The following CPNE3 variants were observed in gnomAD, a reference collection of about 807,000 sequenced individuals.
CPNE3 encodes the protein copine 3, also known as copine-3.
A neutral mutation model predicts 63.9 loss-of-function variants in CPNE3; 68 were observed. The ratio of observed to expected loss-of-function variants is 1.06; its 90% CI spans 0.87 to 1.30. The LOEUF is 1.30. Among genes scored for constraint, CPNE3 ranks in the 50% most tolerant of loss-of-function variants. The pLI is 0.00. For missense variants in CPNE3, 665 were observed against 578.1 expected (o/e 1.15, Z -1.54); for synonymous variants, 219 against 197.5 (o/e 1.11, Z -0.91).
chr8:86,553,178 T>C (rs1821232664), intron 14 of CPNE3, among the ~76,000 whole-genome samples: 1 of 151,908 alleles, frequency 6.6e-6, no homozygotes, highest in Non-Finnish European at 1.5e-5. Context: ...ATGAATTATT[T>C]ATACCTTTGT....
chr8:86,547,813 A>G (rs757477110), intron 11 of CPNE3, 43 bp downstream of exon 11: 30 of 889,612 alleles, frequency 3.4e-5, no homozygotes, highest in Non-Finnish European at 5.0e-5. Flanking sequence ...TTTTTCCTCC[A>G]TGTTGCAGTA....
At chr8:86,547,516 A>G (rs756897080) in intron 10 of CPNE3, 195 bp from the exon 11 acceptor site, 22 of 518,716 alleles carry the variant, frequency 4.2e-5, no homozygotes, top group Non-Finnish European at 6.4e-5. Context: ...CATTGCTACA[A>G]TTATCTTGAA....
At chr8:86,539,660 G>GTTTTTTT (rs369540210) in intron 7 of CPNE3, among the ~76,000 whole-genome samples, 2 of 108,160 alleles carry the variant, frequency 1.8e-5, no homozygotes, top group South Asian at 3.1e-4. Context: ...ATCCTCCGCA[G>GTTTTTTT]TTTTTTTTTT....
At chr8:86,518,933 C>A (rs911556636) in intron 2 of CPNE3, among the ~76,000 whole-genome samples, 6 of 152,050 alleles carry the variant, frequency 3.9e-5, no homozygotes, top group Non-Finnish European at 8.8e-5. Context: ...CCACACCTGG[C>A]TAATTTTTGT....
chr8:86,551,686 T>C (rs1821182833), intron 14 of CPNE3, among the ~76,000 whole-genome samples: 1 of 152,230 alleles, frequency 6.6e-6, no homozygotes, highest in Non-Finnish European at 1.5e-5. Flanking sequence ...GTATCCAGCA[T>C]CTAATACTTG....
At chr8:86,542,052 G>A (rs1820953574) in intron 8 of CPNE3, among the ~76,000 whole-genome samples, 1 of 152,190 alleles carries the variant, frequency 6.6e-6, no homozygotes, top group Admixed American at 6.5e-5. Flanking sequence ...ACAGTGGCAT[G>A]CTTACAGGGC....
At chr8:86,548,248 G>T in intron 11 of CPNE3, 53 bp from the exon 12 acceptor site, 1 of 1,596,652 alleles carries the variant, frequency 6.3e-7, no homozygotes, top group South Asian at 1.1e-5. Flanking sequence ...TGGACATCAA[G>T]CACAGGTGTC....
At position 86,544,776 on chromosome 8, in the gene CPNE3, G is replaced by A. The variant is rs374163721; in HGVS notation, c.670G>A (p.Asp224Asn). The A allele has an allele frequency of 1.7e-4, 261 of 1,577,180 alleles. No individual in the cohort carries two copies. Among genetic ancestry groups the A allele is most frequent in the Non-Finnish European group, 2.1e-4 (247 of 1,160,562 alleles). The change falls in exon 9 of 17, where the codon GAT (aspartate) becomes AAT (asparagine). Residue 224 changes from aspartate (D) to asparagine (N), a missense_variant. Coordinates refer to ENST00000517490, the MANE Select transcript of CPNE3 (RefSeq NM_003909.5). ...CYDYDNDGSHDLIGTFQTTMT... is the reference protein window; with the variant it reads ...CYDYDNDGSHNLIGTFQTTMT... ...TGATTATGACAATGATGGGTCACAT[G>A]ATCTCATTGGAACATTTCAGACCAC...
At position 86,544,801 on chromosome 8, in the gene CPNE3, C is replaced by T. The variant is rs373856396; in HGVS notation, c.695C>T (p.Thr232Ile). Residue 232 changes from threonine (T) to isoleucine (I), a missense_variant, in exon 9 of 17, where the codon ACC (threonine) becomes ATC (isoleucine). Thr to Ile is a moderately conservative substitution (Grantham distance 89, BLOSUM62 -1). Coordinates refer to ENST00000517490, the MANE Select transcript of CPNE3 (RefSeq NM_003909.5). ...SHDLIGTFQTTMTKLKEASRS... is the reference protein window; with the variant it reads ...SHDLIGTFQTIMTKLKEASRS... ...GATCTCATTGGAACATTTCAGACCA[C>T]CATGACAAAACTGAAAGAAGCCTCC... 6.3e-7 allele frequency: 1 copy of T among 1,594,494 alleles called. No individual in the cohort carries two copies. Among genetic ancestry groups the T allele is most frequent in the Non-Finnish European group, 8.5e-7 (1 of 1,169,698 alleles).
At chr8:86,517,437 T>C (rs1404456573) in intron 2 of CPNE3, among the ~76,000 whole-genome samples, 1 of 152,350 alleles carries the variant, frequency 6.6e-6, no homozygotes, top group South Asian at 2.1e-4. Flanking sequence ...TCACCTTCCC[T>C]GGCTTTTAGT....
intron 2 of CPNE3, among the ~76,000 whole-genome samples, chr8:86,518,917 A>T (rs1820372907): frequency 6.6e-6 from 1 of 151,834 alleles, no homozygotes; most frequent in African/African-American, 2.4e-5. Context: ...CCACAGGCAC[A>T]CCCCACCACA....
chr8:86,534,085 G>C (rs1820747243), intron 6 of CPNE3, among the ~76,000 whole-genome samples: 1 of 151,834 alleles, frequency 6.6e-6, no homozygotes, highest in Non-Finnish European at 1.5e-5. Context: ...ATAATTACAA[G>C]ACTCCATCTT....
chr8:86,532,622 G>A, intron 6 of CPNE3, 42 bp downstream of exon 6: 1 of 1,537,098 alleles, frequency 6.5e-7, no homozygotes, highest in Non-Finnish European at 8.9e-7. Context: ...GTCATGTTTT[G>A]CCTCTTTTTT....
Position 86,515,472 on chromosome 8 carries a change from T to C in CPNE3, c.-38T>C, listed in dbSNP as rs1253521712. 6.6e-6 allele frequency: 1 copy of C among 152,214 alleles called. No homozygotes were observed. The highest frequency in any genetic ancestry group is 1.5e-5 in the Non-Finnish European group (1 of 68,026). 9.4% of individuals were successfully genotyped at this position (152,214 alleles called of 1,614,324 possible). On this transcript the variant is annotated 5_prime_UTR_variant, in exon 2 of 17. Coordinates refer to ENST00000517490, the MANE Select transcript of CPNE3 (RefSeq NM_003909.5). ...TGTTTCATTCTCCAGGAAACTCAGG[T>C]TGAATAATTCATCAAATTACACAAC...
rs371680147 is a variant in CPNE3 at position 86,556,318 on chromosome 8, C to T, written c.1471C>T (p.Pro491Ser). The T allele has an allele frequency of 9.2e-6, 8 of 872,898 alleles. No individual in the cohort carries two copies. The highest frequency in any genetic ancestry group is 1.4e-5 in the Non-Finnish European group (7 of 501,698). 54.1% of individuals were successfully genotyped at this position (872,898 alleles called of 1,614,324 possible). Residue 491 changes from proline (P) to serine (S), a missense_variant, in exon 16 of 17, where the codon CCT (proline) becomes TCT (serine). Physicochemically the swap from Pro to Ser is moderately conservative, Grantham distance 74 (BLOSUM62 -1). Transcript: ENST00000517490. ...CATCAGAGATATTGTCCAGTTTGTG[C>T]CTTTCAGACAGTTCCAGAATGTGAG... Reference protein sequence around the residue: ...VAIRDIVQFVPFRQFQNAPKE... With the variant: ...VAIRDIVQFVSFRQFQNAPKE...
At chr8:86,538,596 A>G (rs1476402647) in intron 7 of CPNE3, among the ~76,000 whole-genome samples, 1 of 152,142 alleles carries the variant, frequency 6.6e-6, no homozygotes, top group Non-Finnish European at 1.5e-5. Context: ...GGATTTGACT[A>G]TTATATTCCC....
chr8:86,539,866 T>C (rs1006694008), intron 7 of CPNE3, among the ~76,000 whole-genome samples: 2 of 152,030 alleles, frequency 1.3e-5, no homozygotes, highest in East Asian at 1.9e-4. Flanking sequence ...GTTTTCACCA[T>C]GTTGGCCAGG....
At chr8:86,558,223 C>A in intron 16 of CPNE3, 65 bp from the exon 17 acceptor site, 1 of 867,040 alleles carries the variant, frequency 1.2e-6, no homozygotes, top group Non-Finnish European at 2.0e-6. Context: ...TATCCCTAGT[C>A]TTTTATGAAA....
rs777477341 is a variant in CPNE3 at position 86,558,388 on chromosome 8, C to A, written c.1592C>A (p.Ala531Asp). Reference protein sequence around the residue: ...TYKLLPPKNPATKQQKQ With the variant: ...TYKLLPPKNPDTKQQKQ ...AAACTCCTTCCTCCCAAGAACCCAG[C>A]CACGAAACAACAGAAGCAGTGACCA... Residue 531 changes from alanine (A) to aspartate (D), a missense_variant, in exon 17 of 17, where the codon GCC becomes GAC. Coordinates refer to ENST00000517490, the MANE Select transcript of CPNE3 (RefSeq NM_003909.5). 1 of 872,936 alleles carries A rather than the reference C, an allele frequency of 1.1e-6. No individual in the cohort carries two copies. Among genetic ancestry groups the A allele is most frequent in the South Asian group, 1.3e-5 (1 of 76,534 alleles). 54.1% of individuals were successfully genotyped at this position (872,936 alleles called of 1,614,324 possible). A position where few individuals can be genotyped will look rare whatever the true frequency, so the allele number is the denominator to read the frequency against.
Sources: allele counts gnomAD v4.1 joint callset (sites outside exome capture counted in the v4.1 genomes callset), GRCh38; gene constraint gnomAD v4.1.1; transcripts MANE v1.5; gene names NCBI Gene and HGNC (gene_info 2026-07-23, HGNC 2026-07-21).